USP42: variants seen among roughly 807,000 people sequenced by gnomAD.
USP42 encodes ubiquitin carboxyl-terminal hydrolase 42.
Under a neutral mutation model 113.0 loss-of-function variants are expected in USP42, and 23 were observed. The observed-to-expected ratio is 0.20, with a 90% CI of 0.15 to 0.29. The LOEUF (loss-of-function observed/expected upper bound fraction) is 0.29. USP42 is among the 10% of genes least tolerant of loss of function. The pLI is 1.00. For synonymous variants in USP42, 933 were observed against 699.0 expected (o/e 1.33, Z -5.28); for missense variants, 2,174 against 1,779.8 (o/e 1.22, Z -3.99).
the USP42 span, among the ~76,000 whole-genome samples, chr7:6,083,713 A>G: frequency 6.6e-6 from 1 of 150,874 alleles, no homozygotes; most frequent in African/African-American, 2.5e-5. Flanking sequence ...GGAAATACAT[A>G]GTATTATGTG....
intron 3 of USP42, among the ~76,000 whole-genome samples, chr7:6,123,323 G>C (rs1326376987): frequency 1.3e-5 from 2 of 152,138 alleles, no homozygotes; most frequent in Non-Finnish European, 1.5e-5. Context: ...AGGAGTTCTA[G>C]ACCAGCCTGA....
In USP42 at chr7:6,161,199, T is replaced by TATTA. The variant is rs1177912110; in HGVS notation, c.*682_*685dup. On this transcript the variant is annotated 3_prime_UTR_variant, in exon 18 of 18. Transcript: ENST00000306177. ...ATTTGTAAAGCCGACAGTATGTTTC[T>TATTA]ATTACACAACACTTTTTGATACAGC... 2.6e-5 allele frequency: 4 copies of TATTA among 152,674 alleles called. No individual in the cohort carries two copies. The highest frequency in any genetic ancestry group is 7.2e-5 in the African/African-American group (3 of 41,472). 9.5% of individuals were successfully genotyped at this position (152,674 alleles called of 1,614,324 possible). A position where few individuals can be genotyped will look rare whatever the true frequency, so the allele number is the denominator to read the frequency against.
chr7:6,156,940 C>G lies in USP42; in HGVS notation c.3828C>G (p.Gly1276=). ...CCCAGTTCCGGAGAGCCCAGGGTGG[C>G]TTTCCTCTCTCTGGTGGCCCGCCTC... is the stretch of plus-strand genomic sequence containing the variant. The part of the protein sequence containing the change: ...TVAQFRRAQG[G]FPLSGGPPLE... The change falls in exon 16 of 18, where the codon GGC becomes GGG. Residue 1276 remains glycine, a synonymous_variant. Transcript: ENST00000306177. The G allele has an allele frequency of 6.2e-7, 1 of 1,613,878 alleles. No homozygotes were observed. Among genetic ancestry groups the G allele is most frequent in the Non-Finnish European group, 8.5e-7 (1 of 1,179,834 alleles).
intron 11 of USP42, among the ~76,000 whole-genome samples, chr7:6,147,041 G>A (rs1781754763): frequency 6.6e-6 from 1 of 152,232 alleles, no homozygotes; most frequent in Non-Finnish European, 1.5e-5. Flanking sequence ...TGGAAAAAAT[G>A]TTTGATAGCT....
the USP42 span, among the ~76,000 whole-genome samples, chr7:6,087,018 G>A: frequency 6.8e-6 from 1 of 147,606 alleles, no homozygotes; most frequent in Non-Finnish European, 1.5e-5. Flanking sequence ...GTGAGCCACC[G>A]CCTCCAGCCA....
intron 2 of USP42, among the ~76,000 whole-genome samples, chr7:6,113,051 G>C (rs1323112672): frequency 1.3e-5 from 2 of 151,322 alleles, no homozygotes; most frequent in Non-Finnish European, 2.9e-5. Flanking sequence ...CTACAGGTGC[G>C]CGCCACCATG....
intron 3 of USP42, among the ~76,000 whole-genome samples, chr7:6,129,282 G>A (rs1000455316): frequency 2.6e-5 from 4 of 152,086 alleles, no homozygotes; most frequent in Non-Finnish European, 4.4e-5. Context: ...TAGGCCAGGC[G>A]TGGTGGCTCA....
chr7:6,125,592 G>A (rs61634333), intron 3 of USP42, among the ~76,000 whole-genome samples: 39,924 of 152,006 alleles, frequency 0.26, 7,547 homozygotes, highest in East Asian at 0.75. Context: ...GTTGTCATGC[G>A]TTGTTGTATT....
chr7:6,082,790 G>C, the USP42 span, among the ~76,000 whole-genome samples: 1 of 148,838 alleles, frequency 6.7e-6, no homozygotes, highest in African/African-American at 2.5e-5. Context: ...TTTTGTATTT[G>C]AGTAGACATG....
chr7:6,143,161 G>A (rs193093713), intron 8 of USP42, 147 bp downstream of exon 8: 40 of 743,644 alleles, frequency 5.4e-5, no homozygotes, highest in Non-Finnish European at 8.2e-5. Context: ...GTCCAAAGGC[G>A]AGAGCCCGGA....
intron 1 of USP42, among the ~76,000 whole-genome samples, chr7:6,106,870 GGTTGTTGTTTTAAT>G (rs1779310170): frequency 1.3e-5 from 2 of 152,288 alleles, no homozygotes; most frequent in South Asian, 4.1e-4. Flanking sequence ...CCCACCTGTA[GGTTGTTGTTTTAAT>G]GCTCTTGTAA....
In USP42 at chr7:6,155,002, C is replaced by A; in HGVS notation, c.3448C>A (p.Arg1150=). The A allele has an allele frequency of 2.6e-6, 4 of 1,564,734 alleles. No individual in the cohort carries two copies. The highest frequency in any genetic ancestry group is 1.2e-5 in the South Asian group (1 of 84,772). ...VAGDNCNLSD[R]FHEHENGKSR... ...CGGAGACAACTGTAACCTCTCTGAT[C>A]GGTTTCACGAACACGAAAATGGAAA... Residue 1150 remains arginine, a synonymous_variant, in exon 15 of 18, where the codon CGG becomes AGG. Transcript: ENST00000306177.
At chr7:6,114,656 G>GTGTATATATATA (rs1187768774) in intron 2 of USP42, among the ~76,000 whole-genome samples, 17 of 60,596 alleles carry the variant, frequency 2.8e-4, no homozygotes, top group African/African-American at 8.7e-4. Flanking sequence ...ATGTGTGTGT[G>GTGTATATATATA]TATATATATA....
rs1242495713 is a variant in USP42 at position 6,157,468 on chromosome 7, G to T, written c.3943+413G>T. ...CTGGAGTGCAGTGGCGGCGATCTCA[G>T]CTCACTGCAACCTCTGCCTCCCAGG... On this transcript the variant is annotated intron_variant, in intron 16 of 17. Transcript: ENST00000306177. This position sits in a 1 kb window ranked among gnomAD's most constrained non-coding sequence, Gnocchi z 4.1. 8.6e-6 allele frequency: 7 copies of T among 812,568 alleles called. No individual in the cohort carries two copies. Among genetic ancestry groups the T allele is most frequent in the African/African-American group, 1.9e-5 (1 of 53,704 alleles). The allele number at this position is 812,568 out of a possible 1,614,324, so 50.3% of individuals were successfully genotyped here.
intron 15 of USP42, among the ~76,000 whole-genome samples, chr7:6,156,013 T>C (rs1438962981): frequency 2.0e-5 from 3 of 152,200 alleles, no homozygotes; most frequent in Non-Finnish European, 4.4e-5. Flanking sequence ...AGCACTGGGA[T>C]CACAGGCATG....
intron 1 of USP42, 144 bp downstream of exon 1, chr7:6,105,176 C>T (rs1374173264): frequency 6.9e-6 from 1 of 145,934 alleles, no homozygotes; most frequent in Non-Finnish European, 1.5e-5. Flanking sequence ...CCGCCTCCCC[C>T]TACACAGCCG....
upstream of USP42, among the ~76,000 whole-genome samples, chr7:6,101,859 A>C (rs1201275686): frequency 6.7e-6 from 1 of 150,152 alleles, no homozygotes; most frequent in Non-Finnish European, 1.5e-5. Flanking sequence ...TGGGCAGATC[A>C]CTTGAGGCCA....
At chr7:6,098,418 A>G in the USP42 span, among the ~76,000 whole-genome samples, 4 of 149,956 alleles carry the variant, frequency 2.7e-5, no homozygotes, top group Admixed American at 2.7e-4. Context: ...GCTGGTGTGT[A>G]TTAGCCTGGT....
intron 3 of USP42, among the ~76,000 whole-genome samples, chr7:6,130,073 C>T (rs1780765956): frequency 6.6e-6 from 1 of 152,052 alleles, no homozygotes; most frequent in South Asian, 2.1e-4. Context: ...GCAGCTCCCA[C>T]CTCCTGGGCT....
Sources: gnomAD v4.1 joint callset for allele counts (sites outside exome capture counted in the v4.1 genomes callset) on GRCh38, gnomAD v4.1.1 for gene constraint, Gnocchi (gnomAD v3.1) non-coding constraint, MANE v1.5 for transcripts, NCBI Gene and HGNC (gene_info 2026-07-23, HGNC 2026-07-21) for gene names.